The following IL1RAPL1 variants were observed in gnomAD, a reference collection of about 807,000 sequenced individuals.
IL1RAPL1 encodes interleukin 1 receptor accessory protein like 1.
In IL1RAPL1, 3 loss-of-function variants were observed where a neutral mutation model predicts 48.4. That is an observed-to-expected ratio of 0.06 (90% CI 0.03 to 0.16). The LOEUF (loss-of-function observed/expected upper bound fraction) is 0.16. Among genes scored for constraint, IL1RAPL1 ranks in the 10% least tolerant of loss-of-function variants. The pLI is 1.00. For missense variants in IL1RAPL1, 349 were observed against 530.6 expected (o/e 0.66, Z 3.36); for synonymous variants, 185 against 187.7 (o/e 0.99, Z 0.12).
chrX:29,153,626 C>T (rs1191217994), intron 2 of IL1RAPL1, among the ~76,000 whole-genome samples: 1 of 112,336 alleles, frequency 8.9e-6, no homozygotes, highest in Non-Finnish European at 1.9e-5. Flanking sequence ...AATAGTTCTG[C>T]TACTTGAGAT....
rs1569267336 is a variant in IL1RAPL1, at chrX:29,240,206, ATATATATATATATATATATTTTTTTT to A, written c.83-42730_83-42705del. Among the ~76,000 whole-genome samples the A allele has an allele frequency of 7.3e-4, 32 of 44,012 alleles. 1 individual carries two copies. Among genetic ancestry groups the A allele is most frequent in the African/African-American group, 6.0e-3 (30 of 5,024 alleles). 38.2% of individuals were successfully genotyped at this position (44,012 alleles called of 115,157 possible). A position where few individuals can be genotyped will look rare whatever the true frequency, so the allele number is the denominator to read the frequency against. On this transcript the variant is annotated intron_variant, in intron 2 of 10. Transcript: ENST00000378993. Reference sequence around the variant, plus strand: ...GGTACACACACACACATATATATATATATATATATATATATATATTTTTTTTTTTTTTTTTTTTTTTTTTTTGAGGC... The same window carrying A: ...GGTACACACACACACATATATATATATTTTTTTTTTTTTTTTTTTTGAGGC...
chrX:29,234,242 C>T (rs1569265975), intron 2 of IL1RAPL1, among the ~76,000 whole-genome samples: 2 of 105,556 alleles, frequency 1.9e-5, no homozygotes, highest in African/African-American at 7.6e-5. Context: ...AATGGTTGCA[C>T]ATATTTATAA....
intron 5 of IL1RAPL1, among the ~76,000 whole-genome samples, chrX:29,657,246 A>G (rs976891270): frequency 4.6e-4 from 51 of 111,928 alleles, no homozygotes; most frequent in African/African-American, 1.7e-3. Context: ...CCTCGGAATT[A>G]TTGAGCACTA....
chrX:29,137,319 A>G (rs1929152853), intron 2 of IL1RAPL1, among the ~76,000 whole-genome samples: 1 of 111,231 alleles, frequency 9.0e-6, no homozygotes, highest in African/African-American at 3.3e-5. Flanking sequence ...AAACGTATGA[A>G]ATAATTTTCT....
At chrX:28,768,767 A>ATATG (rs1489765113) in intron 1 of IL1RAPL1, among the ~76,000 whole-genome samples, 5 of 80,899 alleles carry the variant, frequency 6.2e-5, no homozygotes, top group African/African-American at 2.2e-4. Flanking sequence ...ATATATATAT[A>ATATG]TATATATATA....
At chrX:28,681,288 A>G (rs1183824453) in intron 1 of IL1RAPL1, among the ~76,000 whole-genome samples, 1 of 111,314 alleles carries the variant, frequency 9.0e-6, no homozygotes, top group Non-Finnish European at 1.9e-5. Flanking sequence ...GGACAAATGG[A>G]TAAAGAAATT....
chrX:29,500,834 G>A (rs1935265129), intron 5 of IL1RAPL1, among the ~76,000 whole-genome samples: 1 of 110,474 alleles, frequency 9.1e-6, no homozygotes, highest in Non-Finnish European at 1.9e-5. Context: ...TATATACCCA[G>A]TAGTGGGATT....
intron 3 of IL1RAPL1, among the ~76,000 whole-genome samples, chrX:29,336,044 A>G (rs1474438846): frequency 3.7e-5 from 4 of 106,970 alleles, no homozygotes; most frequent in African/African-American, 1.4e-4. Flanking sequence ...AAGCCTGACC[A>G]TCATAGCCAA....
chrX:28,813,676 T>C (rs929152179), intron 2 of IL1RAPL1, among the ~76,000 whole-genome samples: 3 of 111,161 alleles, frequency 2.7e-5, no homozygotes, highest in African/African-American at 9.8e-5. Context: ...TTTTCAGTTC[T>C]ATCAGTTTTG....
At chrX:29,678,045 T>C (rs1176541003) in intron 6 of IL1RAPL1, among the ~76,000 whole-genome samples, 1 of 111,675 alleles carries the variant, frequency 9.0e-6, no homozygotes. Flanking sequence ...TTTTGATTCT[T>C]CTAAAATTTG....
At chrX:29,525,603 T>C (rs996013150) in intron 5 of IL1RAPL1, among the ~76,000 whole-genome samples, 2 of 111,695 alleles carry the variant, frequency 1.8e-5, no homozygotes, top group Non-Finnish European at 3.8e-5. Flanking sequence ...AGGCCCAGGA[T>C]ATACTGCGTT....
intron 5 of IL1RAPL1, among the ~76,000 whole-genome samples, chrX:29,646,940 C>A (rs1925348762): frequency 8.9e-6 from 1 of 112,029 alleles, no homozygotes. Context: ...CCAGACCTGT[C>A]TTACAAGAAA....
At chrX:29,183,123 A>C (rs975280550) in intron 2 of IL1RAPL1, among the ~76,000 whole-genome samples, 1 of 111,945 alleles carries the variant, frequency 8.9e-6, no homozygotes, top group African/African-American at 3.2e-5. Flanking sequence ...TGTTTACAGC[A>C]GCAATAGGAG....
chrX:28,932,078 ATAAAG>A (rs2147343719), intron 2 of IL1RAPL1, among the ~76,000 whole-genome samples: 1 of 110,432 alleles, frequency 9.1e-6, no homozygotes, highest in South Asian at 3.8e-4. Flanking sequence ...AAATAAATAA[ATAAAG>A]TTAGGTTTGC....
At chrX:28,963,167 G>A (rs1327331031) in intron 2 of IL1RAPL1, among the ~76,000 whole-genome samples, 1 of 111,130 alleles carries the variant, frequency 9.0e-6, no homozygotes, top group African/African-American at 3.3e-5. Flanking sequence ...TGTGGGCACT[G>A]CCTCAACGTT....
chrX:29,949,641 G>A (rs760260997), intron 9 of IL1RAPL1, among the ~76,000 whole-genome samples: 1 of 112,066 alleles, frequency 8.9e-6, no homozygotes, highest in East Asian at 2.8e-4. Flanking sequence ...CTTTTAAGCT[G>A]TTTATAAATG....
chrX:29,664,638 G>A (rs754066305), intron 5 of IL1RAPL1, among the ~76,000 whole-genome samples: 12 of 111,287 alleles, frequency 1.1e-4, no homozygotes, highest in Non-Finnish European at 1.7e-4. Context: ...TTCTCTCCAC[G>A]TTAAGAACTT....
chrX:29,773,068 A>G (rs1002841771), intron 6 of IL1RAPL1, among the ~76,000 whole-genome samples: 6 of 112,394 alleles, frequency 5.3e-5, no homozygotes, highest in African/African-American at 1.9e-4. Flanking sequence ...GAGAAATTTA[A>G]GTAAATATAC....
At position 29,405,360 on chromosome X, in the gene IL1RAPL1, C is replaced by CTTTCTTTTTT. The variant is rs1377087452; in HGVS notation, c.703+6055_703+6056insCTTTTTTTTT. On this transcript the variant is annotated intron_variant, in intron 5 of 10. Transcript: ENST00000378993. ...ATAGATATGATATTTTCTCTGTGTT[C>CTTTCTTTTTT]TTTATTTATTTATTTATTTTTTTTG... Among the ~76,000 whole-genome samples the CTTTCTTTTTT allele has an allele frequency of 1.0e-4, 10 of 99,454 alleles. 1 individual carries two copies. The highest frequency in any genetic ancestry group is 4.5e-4 in the African/African-American group (10 of 22,125). 86.4% of individuals were successfully genotyped at this position (99,454 alleles called of 115,157 possible).
Sources: allele counts gnomAD v4.1 joint callset (sites outside exome capture counted in the v4.1 genomes callset), GRCh38; gene constraint gnomAD v4.1.1; transcripts MANE v1.5; gene names NCBI Gene and HGNC (gene_info 2026-07-23, HGNC 2026-07-21).